NFIB: variants seen among roughly 807,000 people sequenced by gnomAD.
NFIB encodes nuclear factor 1 B-type.
NFIB carries 11 observed loss-of-function variants against 61.5 expected under a neutral mutation model. That is an observed-to-expected ratio of 0.18 (90% confidence interval 0.11 to 0.30). The LOEUF (loss-of-function observed/expected upper bound fraction) is 0.30, where lower values mean the gene tolerates loss of function less well. NFIB is among the 10% of genes least tolerant of loss of function. NFIB has a pLI of 1.00. For missense variants in NFIB, 471 were observed against 608.9 expected (o/e 0.77, Z 2.38); for synonymous variants, 260 against 216.5 (o/e 1.20, Z -1.76).
rs2038812177 is a variant in NFIB, at chr9:14,120,707, C to A, written c.1061-83G>T. Reference sequence around the variant, plus strand: ...TCTGATCCTGAAGAATGCTGTGAAACTACAAAACTGGTAACCATTCATTTT... The same window carrying A: ...TCTGATCCTGAAGAATGCTGTGAAAATACAAAACTGGTAACCATTCATTTT... On this transcript the variant is annotated intron_variant, in intron 7 of 10. Transcript: ENST00000380953. The surrounding 1 kb of genome is among the most constrained non-coding windows in gnomAD (Gnocchi z 4.4). The A allele has an allele frequency of 3.0e-6, 4 of 1,338,890 alleles. No homozygotes were observed. The highest frequency in any genetic ancestry group is 4.0e-6 in the Non-Finnish European group (4 of 992,710). The allele number at this position is 1,338,890 out of a possible 1,614,324, so 82.9% of individuals were successfully genotyped here.
At chr9:14,465,701 A>G in the NFIB span, among the ~76,000 whole-genome samples, 1 of 152,070 alleles carries the variant, frequency 6.6e-6, no homozygotes, top group African/African-American at 2.4e-5. Context: ...TGGGCTACCT[A>G]CAGTCACCAG....
intron 3 of NFIB, among the ~76,000 whole-genome samples, chr9:14,175,491 C>A (rs1166238462): frequency 6.6e-6 from 1 of 152,076 alleles, no homozygotes; most frequent in Non-Finnish European, 1.5e-5. Context: ...TAAAGAATTT[C>A]TTAAGTGCAA....
chr9:14,455,388 G>T, the NFIB span, among the ~76,000 whole-genome samples: 40 of 152,304 alleles, frequency 2.6e-4, no homozygotes, highest in Middle Eastern at 0.01. Context: ...TTCATGGAAG[G>T]GAGGGAAAAG....
At chr9:14,318,505 CTTTTTTTTT>C (rs34481505), upstream of NFIB, among the ~76,000 whole-genome samples, 1 of 66,842 alleles carries the variant, frequency 1.5e-5, no homozygotes, top group Non-Finnish European at 2.6e-5. Context: ...CACTCGATGC[CTTTTTTTTT>C]TTTTTTTTTT....
At chr9:14,523,269 A>G in the NFIB span, among the ~76,000 whole-genome samples, 1 of 152,168 alleles carries the variant, frequency 6.6e-6, no homozygotes, top group Admixed American at 6.5e-5. Flanking sequence ...ACACCAACTT[A>G]CAGTGGTCAA....
intron 2 of NFIB, among the ~76,000 whole-genome samples, chr9:14,237,344 C>T (rs529484577): frequency 6.6e-6 from 1 of 152,176 alleles, no homozygotes; most frequent in Non-Finnish European, 1.5e-5. Context: ...AAGCTTTAGC[C>T]ATTCTTAGCC....
In NFIB at chr9:14,082,874, C is replaced by T; in HGVS notation, c.*5435G>A. 4.9e-6 allele frequency: 1 copy of T among 204,998 alleles called. No homozygotes were observed. The highest frequency in any genetic ancestry group is 7.5e-5 in the East Asian group (1 of 13,364). The allele number at this position is 204,998 out of a possible 1,614,324, so 12.7% of individuals were successfully genotyped here. ...TTTCAAAACCATTCTGTCAAAAATA[C>T]AGTAATACAAGACTGGCTTTAGTGT... On this transcript the variant is annotated 3_prime_UTR_variant, in exon 11 of 11. Coordinates refer to ENST00000380953, the MANE Select transcript of NFIB (RefSeq NM_001190737.2).
intron 2 of NFIB, among the ~76,000 whole-genome samples, chr9:14,242,397 G>A (rs967874644): frequency 2.6e-5 from 4 of 152,202 alleles, no homozygotes; most frequent in African/African-American, 9.6e-5. Context: ...AAGTCCTGCA[G>A]GAAGAAACAG....
At chr9:14,498,670 G>A in the NFIB span, among the ~76,000 whole-genome samples, 1 of 152,102 alleles carries the variant, frequency 6.6e-6, no homozygotes, top group Non-Finnish European at 1.5e-5. Flanking sequence ...GGAGTGTGAT[G>A]AGCTTCCTGG....
chr9:14,264,195 C>G (rs2057010863), intron 2 of NFIB, among the ~76,000 whole-genome samples: 1 of 151,072 alleles, frequency 6.6e-6, no homozygotes, highest in Admixed American at 6.6e-5. Flanking sequence ...AAAAAAAAAG[C>G]AAATAGATAT....
chr9:14,506,775 G>A, the NFIB span, among the ~76,000 whole-genome samples: 1 of 152,290 alleles, frequency 6.6e-6, no homozygotes, highest in Admixed American at 6.5e-5. Flanking sequence ...AGAGTGTGGG[G>A]AGGTGCTTGG....
the NFIB span, among the ~76,000 whole-genome samples, chr9:14,438,520 T>C: frequency 6.6e-6 from 1 of 152,240 alleles, no homozygotes; most frequent in Non-Finnish European, 1.5e-5. Context: ...ATGAATTCTA[T>C]TTAACCAAGT....
the NFIB span, among the ~76,000 whole-genome samples, chr9:14,430,376 G>A: frequency 6.7e-6 from 1 of 150,052 alleles, no homozygotes; most frequent in African/African-American, 2.5e-5. Context: ...AAAAAAAAAA[G>A]CTTTCCTGAC....
chr9:14,350,496 C>T lies in NFIB; in HGVS notation c.109-42976G>A, dbSNP rs1662779158. 6.3e-5 allele frequency among the ~76,000 whole-genome samples: 9 copies of T among 141,840 alleles called. No homozygotes were observed. In the Admixed American group the frequency reaches 6.4e-4, roughly 10 times the overall value. The allele number at this position is 141,840 out of a possible 152,430, so 93.1% of individuals were successfully genotyped here. Reference sequence around the variant, plus strand: ...CCCGCTGCCCCCAATTCCTATAGGGCGAAAGACCTGGGTGGGGTGGGGGGG... The same window carrying T: ...CCCGCTGCCCCCAATTCCTATAGGGTGAAAGACCTGGGTGGGGTGGGGGGG... On this transcript the variant is annotated intron_variant, in intron 1 of 8. Transcript: ENST00000380934.
intron 1 of NFIB, among the ~76,000 whole-genome samples, chr9:14,397,963 T>G (rs1251478446): frequency 6.6e-6 from 1 of 152,140 alleles, no homozygotes; most frequent in Admixed American, 6.5e-5. Flanking sequence ...ATATAACATT[T>G]GTAGTAATGG....
the NFIB span, among the ~76,000 whole-genome samples, chr9:14,451,014 C>A: frequency 3.3e-5 from 5 of 152,322 alleles, no homozygotes; most frequent in South Asian, 8.3e-4. Context: ...TACAGGGGGT[C>A]ACACAACTAT....
At chr9:14,219,099 G>A (rs916123005) in intron 2 of NFIB, among the ~76,000 whole-genome samples, 1 of 152,094 alleles carries the variant, frequency 6.6e-6, no homozygotes, top group Non-Finnish European at 1.5e-5. Context: ...CAATTTGGTA[G>A]AAACTCTGAT....
intron 1 of NFIB, among the ~76,000 whole-genome samples, chr9:14,343,493 TA>T (rs766569393): frequency 2.0e-5 from 3 of 151,994 alleles, no homozygotes; most frequent in Admixed American, 1.3e-4. Context: ...AAGGGTTTAT[TA>T]AAAAAAAGTG....
chr9:14,274,251 T>TACACACACACACACACACACACAC (rs71321975), intron 2 of NFIB, among the ~76,000 whole-genome samples: 43 of 124,018 alleles, frequency 3.5e-4, no homozygotes, highest in African/African-American at 1.3e-3. Context: ...TCTTCCTCCC[T>TACACACACACACACACACACACAC]ACACACACAC....
Sources: allele counts gnomAD v4.1 joint callset (sites outside exome capture counted in the v4.1 genomes callset), GRCh38; gene constraint gnomAD v4.1.1; non-coding constraint Gnocchi (gnomAD v3.1); transcripts MANE v1.5; gene names NCBI Gene and HGNC (gene_info 2026-07-23, HGNC 2026-07-21).